TMEM236: variants seen among roughly 807,000 people sequenced by gnomAD.
The protein encoded by TMEM236 is family with sequence similarity 23, member A.
Under a neutral mutation model 14.7 loss-of-function variants are expected in TMEM236, and 11 were observed. That is an observed-to-expected ratio of 0.75 (90% CI 0.47 to 1.24). The LOEUF (loss-of-function observed/expected upper bound fraction) is 1.24, where lower values mean the gene tolerates loss of function less well. TMEM236 is among the 50% of genes most tolerant of loss of function. The probability of loss-of-function intolerance (pLI) is 0.00; values close to 1 mark genes in which losing one functional copy is unlikely to be tolerated. For missense variants in TMEM236, 464 were observed against 427.3 expected (o/e 1.09, Z -0.76); for synonymous variants, 182 against 168.6 (o/e 1.08, Z -0.62).
At chr10:17,771,412 G>T in intron 2 of TMEM236, 31 bp downstream of exon 2, 9 of 1,592,940 alleles carry the variant, frequency 5.6e-6, no homozygotes, top group Non-Finnish European at 7.8e-6. Context: ...TCTGCTACAA[G>T]ATTATGAGAT....
At chr10:17,764,114 C>T (rs931133769) in intron 1 of TMEM236, among the ~76,000 whole-genome samples, 248 of 152,308 alleles carry the variant, frequency 1.6e-3, no homozygotes, top group African/African-American at 5.7e-3. Flanking sequence ...ACGTTAACTT[C>T]ATGAGTTAGG....
At chr10:17,769,548 T>C (rs1161048033) in intron 1 of TMEM236, among the ~76,000 whole-genome samples, 13 of 152,206 alleles carry the variant, frequency 8.5e-5, no homozygotes, top group African/African-American at 3.1e-4. Flanking sequence ...TGTCATCGTT[T>C]AGAGGTCAGG....
intron 1 of TMEM236, among the ~76,000 whole-genome samples, chr10:17,757,355 T>G (rs1410475245): frequency 6.6e-6 from 1 of 152,074 alleles, no homozygotes; most frequent in Non-Finnish European, 1.5e-5. Context: ...CCCAAGACTT[T>G]GAGAGGCTTA....
intron 2 of TMEM236, among the ~76,000 whole-genome samples, chr10:17,774,029 T>TGTTTGTTTGTTTG (rs1837618039): frequency 6.8e-4 from 91 of 133,610 alleles, no homozygotes; most frequent in African/African-American, 2.1e-3. Context: ...ATATATATAT[T>TGTTTGTTTGTTTG]TTTGTTTGTT....
At chr10:17,775,866 C>A (rs1005391115) in intron 2 of TMEM236, among the ~76,000 whole-genome samples, 163 bp from the exon 3 acceptor site, 2 of 152,162 alleles carry the variant, frequency 1.3e-5, no homozygotes, top group East Asian at 3.8e-4. Flanking sequence ...AGAAATGATT[C>A]AAAACCTTGT....
At chr10:17,755,203 G>A (rs1004808255) in intron 1 of TMEM236, among the ~76,000 whole-genome samples, 9 of 151,112 alleles carry the variant, frequency 6.0e-5, no homozygotes, top group Non-Finnish European at 1.2e-4. Flanking sequence ...TGCCTGCCTC[G>A]GCCTCCCAAA....
At chr10:17,755,652 C>T (rs1000999622) in intron 1 of TMEM236, among the ~76,000 whole-genome samples, 4 of 152,114 alleles carry the variant, frequency 2.6e-5, no homozygotes, top group African/African-American at 9.7e-5. Context: ...ACCTCTCACA[C>T]CCTGTAGGGG....
intron 1 of TMEM236, among the ~76,000 whole-genome samples, chr10:17,756,681 G>A (rs1837289512): frequency 6.6e-6 from 1 of 152,214 alleles, no homozygotes; most frequent in South Asian, 2.1e-4. Context: ...CCCAAAGTCA[G>A]TGAACTAGAC....
intron 3 of TMEM236, among the ~76,000 whole-genome samples, chr10:17,778,000 A>C (rs894236542): frequency 6.6e-6 from 1 of 152,198 alleles, no homozygotes; most frequent in Non-Finnish European, 1.5e-5. Flanking sequence ...GGGCCTCCCA[A>C]AGTGCTGGGA....
In TMEM236 at chr10:17,776,157, A is replaced by T. The variant is rs1014276545; in HGVS notation, c.459A>T (p.Arg153Ser). The T allele has an allele frequency of 1.2e-6, 2 of 1,613,022 alleles. No homozygotes were observed. Among genetic ancestry groups the T allele is most frequent in the East Asian group, 4.5e-5 (2 of 44,842 alleles). The change falls in exon 3 of 4, where the codon AGA becomes AGT. Residue 153 changes from arginine (R) to serine (S), a missense_variant. Transcript: ENST00000377495. The stretch of plus-strand genomic sequence containing the variant: ...AAAAACTCAGGATATATCCTCTTAG[A>T]GGGAGTCAAAAGAGTAAGTGTTCTT... ...IIEKLRIYPL[R>S]GSQKSSENGH... is the part of the protein sequence containing the mutation.
At chr10:17,759,982 C>CAAAAAAAA (rs35596189) in intron 1 of TMEM236, among the ~76,000 whole-genome samples, 7 of 54,692 alleles carry the variant, frequency 1.3e-4, no homozygotes, top group African/African-American at 3.7e-4. Flanking sequence ...GACTCCGTCT[C>CAAAAAAAA]AAAAAAAAAA....
rs1837568196 is a variant in TMEM236, at chr10:17,771,339, C to T, written c.288C>T (p.Leu96=). The stretch of plus-strand genomic sequence containing the variant: ...CTGTTCTGATGATGTGTGTGGTCCT[C>T]ACCACACTGCCCTGCCTCACCTTTT... ...WRPVLMMCVV[L]TTLPCLTFSI... is the part of the protein sequence containing the mutation. Residue 96 remains leucine, a synonymous_variant, in exon 2 of 4, where the codon CTC becomes CTT. Coordinates refer to ENST00000377495, the MANE Select transcript of TMEM236 (RefSeq NM_001098844.3). 1 of 1,613,922 alleles carries T rather than the reference C, an allele frequency of 6.2e-7. No homozygotes were observed. The highest frequency in any genetic ancestry group is 1.3e-5 in the African/African-American group (1 of 75,046).
rs143988279 is a variant in TMEM236 at position 17,757,598 on chromosome 10, C to CAAAAAAAAAA, written c.257+5053_257+5062dup. 1.1e-4 allele frequency among the ~76,000 whole-genome samples: 11 copies of CAAAAAAAAAA among 98,682 alleles called. 1 individual carries two copies. The highest frequency in any genetic ancestry group is 3.7e-4 in the African/African-American group (10 of 26,768). The allele number at this position is 98,682 out of a possible 152,430, so 64.7% of individuals were successfully genotyped here. ...TGGGTCACACAGCAAAACCCTGTCT[C>CAAAAAAAAAA]AAAAAAAAAAAAAAAAGCTATGTAA... On this transcript the variant is annotated intron_variant, in intron 1 of 3. Coordinates refer to ENST00000377495, the MANE Select transcript of TMEM236 (RefSeq NM_001098844.3).
At position 17,762,610 on chromosome 10, in the gene TMEM236, TATATATATAC is replaced by T. The variant is rs1277129054; in HGVS notation, c.258-8697_258-8688del. On this transcript the variant is annotated intron_variant, in intron 1 of 3. Transcript: ENST00000377495. ...ATATATATATATATATATATATATA[TATATATATAC>T]ACACATACATATATATATATATTTA... is the stretch of plus-strand genomic sequence containing the variant. Among the ~76,000 whole-genome samples, 244 of 78,898 alleles carry T rather than the reference TATATATATAC, an allele frequency of 3.1e-3. 4 individuals are homozygous for T. Among genetic ancestry groups the T allele is most frequent in the African/African-American group, 0.016 (186 of 11,888 alleles). The allele number at this position is 78,898 out of a possible 152,430, so 51.8% of individuals were successfully genotyped here.
chr10:17,764,114 C>G (rs931133769), intron 1 of TMEM236, among the ~76,000 whole-genome samples: 2 of 152,192 alleles, frequency 1.3e-5, no homozygotes, highest in Non-Finnish European at 2.9e-5. Flanking sequence ...ACGTTAACTT[C>G]ATGAGTTAGG....
intron 1 of TMEM236, among the ~76,000 whole-genome samples, chr10:17,763,633 G>A (rs1753630040): frequency 6.6e-6 from 1 of 152,130 alleles, no homozygotes; most frequent in African/African-American, 2.4e-5. Context: ...AGTCTCATAA[G>A]GAAATCTTGA....
At position 17,796,943 on chromosome 10, in the gene TMEM236, G is replaced by A. The variant is rs1838026399; in HGVS notation, c.*439G>A. On this transcript the variant is annotated 3_prime_UTR_variant, in exon 4 of 4. Coordinates refer to ENST00000377495, the MANE Select transcript of TMEM236 (RefSeq NM_001098844.3). ...AGGAGCCCAAACCCTATTGTGAACT[G>A]CGTATGCAAGGGATCTAGCTTTCGC... The A allele has an allele frequency of 1.1e-5, 2 of 188,132 alleles. No individual in the cohort carries two copies. The highest frequency in any genetic ancestry group is 2.4e-5 in the African/African-American group (1 of 41,742). The allele number at this position is 188,132 out of a possible 1,614,324, so 11.7% of individuals were successfully genotyped here.
Position 17,752,216 on chromosome 10 carries a change from A to T in TMEM236, c.-80A>T. 1 of 1,611,616 alleles carries T rather than the reference A, an allele frequency of 6.2e-7. No individual in the cohort carries two copies. Among genetic ancestry groups the T allele is most frequent in the Non-Finnish European group, 8.5e-7 (1 of 1,178,308 alleles). On this transcript the variant is annotated 5_prime_UTR_variant, in exon 1 of 4. Coordinates refer to ENST00000377495, the MANE Select transcript of TMEM236 (RefSeq NM_001098844.3). ...ATTCGAGGACAAGGAACTTGATCCC[A>T]GTTCAGTGTCTGTGGGTCCATATGC...
intron 3 of TMEM236, among the ~76,000 whole-genome samples, chr10:17,784,861 A>G (rs1423087244): frequency 1.3e-5 from 2 of 152,128 alleles, no homozygotes; most frequent in Non-Finnish European, 2.9e-5. Context: ...GGGAATGGAG[A>G]TGAAGTGGGC....
Sources: allele counts gnomAD v4.1 joint callset (sites outside exome capture counted in the v4.1 genomes callset), GRCh38; gene constraint gnomAD v4.1.1; transcripts MANE v1.5; gene names NCBI Gene and HGNC (gene_info 2026-07-23, HGNC 2026-07-21).